The following LANCL1 variants were observed in gnomAD, a reference collection of about 807,000 sequenced individuals.
The protein encoded by LANCL1 is LanC like glutathione S-transferase 1, also known as glutathione S-transferase LANCL1.
Under a neutral mutation model 50.6 loss-of-function variants are expected in LANCL1, and 50 were observed. That is an observed-to-expected ratio of 0.99 (90% confidence interval 0.79 to 1.25). The LOEUF (loss-of-function observed/expected upper bound fraction) is 1.25. Among genes scored for constraint, LANCL1 ranks in the 50% most tolerant of loss-of-function variants. The pLI, the probability that LANCL1 is intolerant of heterozygous loss-of-function variation, is 0.00. For missense variants in LANCL1, 532 were observed against 480.7 expected, an observed-to-expected ratio of 1.11 and a Z score of -1.00; for synonymous variants, 188 against 178.6, an observed-to-expected ratio of 1.05 and a Z score of -0.42.
At chr2:210,442,283 C>T (rs913612220) in intron 4 of LANCL1, among the ~76,000 whole-genome samples, 8 of 152,152 alleles carry the variant, frequency 5.3e-5, no homozygotes, top group Admixed American at 2.6e-4. Context: ...TAGTTCTCCT[C>T]AGAAATCACC....
At chr2:210,469,938 C>G (rs1456886529) in intron 3 of LANCL1, among the ~76,000 whole-genome samples, 3 of 150,278 alleles carry the variant, frequency 2.0e-5, no homozygotes, top group African/African-American at 7.4e-5. Context: ...TTAAGTCATT[C>G]TTTTGTAATC....
chr2:210,435,469 A>G lies in LANCL1; in HGVS notation c.1051-10T>C. ...AGCACCATTCAGCAAACTGAAAATG[A>G]GACCAAGTTAAATTAGTATAGTGAT... On this transcript the variant is annotated splice_polypyrimidine_tract_variant and intron_variant, in intron 8 of 9. Coordinates refer to ENST00000450366, the MANE Select transcript of LANCL1 (RefSeq NM_006055.3). 1.2e-6 allele frequency: 2 copies of G among 1,609,220 alleles called. No homozygotes were observed. The highest frequency in any genetic ancestry group is 1.7e-6 in the Non-Finnish European group (2 of 1,175,658).
At chr2:210,445,958 A>C (rs1693311365) in intron 4 of LANCL1, among the ~76,000 whole-genome samples, 1 of 152,234 alleles carries the variant, frequency 6.6e-6, no homozygotes, top group African/African-American at 2.4e-5. Context: ...CAGCAGCCCC[A>C]GTCAGGGAAT....
intron 9 of LANCL1, 58 bp from the exon 10 acceptor site, chr2:210,434,621 G>A: frequency 7.3e-7 from 1 of 1,372,500 alleles, no homozygotes; most frequent in South Asian, 1.2e-5. Context: ...TTCATAGGAT[G>A]GTTCTTTTTC....
At position 210,435,586 on chromosome 2, in the gene LANCL1, TA is replaced by T. The variant is rs35250763; in HGVS notation, c.1051-128del. The T allele has an allele frequency of 6.7e-3, 4,793 of 719,908 alleles. 158 individuals are homozygous for T. The African/African-American group carries it at 0.076, about 11-fold the overall frequency. The allele number at this position is 719,908 out of a possible 1,614,324, so 44.6% of individuals were successfully genotyped here. ...TACCTTCACATCAGAGAAAGGAGAT[TA>T]ATGCAGAGAAAAGGATGGTTTGAAA... On this transcript the variant is annotated intron_variant, in intron 8 of 9. Coordinates refer to ENST00000450366, the MANE Select transcript of LANCL1 (RefSeq NM_006055.3).
rs544106523 is a variant in LANCL1, at chr2:210,433,772, T to C, written c.*715A>G. On this transcript the variant is annotated 3_prime_UTR_variant, in exon 10 of 10. Transcript: ENST00000450366. ...CTGTTATTGTTAGCTTATCTTAAACTAACCTTCAACTCAGAATTTTCACAA... is the reference window on the plus strand; with the variant it reads ...CTGTTATTGTTAGCTTATCTTAAACCAACCTTCAACTCAGAATTTTCACAA... The C allele has an allele frequency of 1.3e-5, 2 of 152,338 alleles. No individual in the cohort carries two copies. Among genetic ancestry groups the C allele is most frequent in the African/African-American group, 4.8e-5 (2 of 41,596 alleles). 9.4% of individuals were successfully genotyped at this position (152,338 alleles called of 1,614,324 possible). A position where few individuals can be genotyped will look rare whatever the true frequency, so the allele number is the denominator to read the frequency against.
chr2:210,442,093 G>A lies in LANCL1; in HGVS notation c.408-650C>T, dbSNP rs147614769. 8.6e-5 allele frequency among the ~76,000 whole-genome samples: 13 copies of A among 152,024 alleles called. No individual in the cohort carries two copies. The East Asian group carries it at 9.7e-4, about 11-fold the overall frequency. ...CTAATTTTGTATTTTTAGTAGAGAC[G>A]GGGTTTCTCCATGTTGGTCACGCTG... On this transcript the variant is annotated intron_variant, in intron 4 of 9. Coordinates refer to ENST00000450366, the MANE Select transcript of LANCL1 (RefSeq NM_006055.3).
intron 6 of LANCL1, among the ~76,000 whole-genome samples, chr2:210,439,297 CAAG>C (rs1467209727): frequency 2.0e-5 from 3 of 152,172 alleles, no homozygotes; most frequent in Non-Finnish European, 4.4e-5. Flanking sequence ...ACAGCTAACA[CAAG>C]GAGGCAGAGT....
intron 3 of LANCL1, among the ~76,000 whole-genome samples, chr2:210,457,810 T>C (rs1193991155): frequency 6.6e-6 from 1 of 152,192 alleles, no homozygotes; most frequent in Admixed American, 6.5e-5. Context: ...TATTCTACTC[T>C]AGAAAATGAG....
At chr2:210,440,823 A>G in intron 5 of LANCL1, 79 bp from the exon 6 acceptor site, 1 of 1,337,398 alleles carries the variant, frequency 7.5e-7, no homozygotes, top group East Asian at 2.5e-5. Flanking sequence ...TTTTTTGCTA[A>G]GAGGTACTGG....
chr2:210,470,127 G>A (rs531632148), intron 3 of LANCL1, among the ~76,000 whole-genome samples: 9 of 152,232 alleles, frequency 5.9e-5, no homozygotes, highest in East Asian at 1.9e-4. Context: ...TTCAAACCAC[G>A]ATAATTTTAA....
upstream of LANCL1, chr2:210,476,800 T>G: frequency 2.0e-6 from 2 of 1,009,038 alleles, no homozygotes; most frequent in Non-Finnish European, 1.2e-6. Context: ...GCCTTCGCCG[T>G]TCCCGAGACC....
At chr2:210,445,162 AC>A (rs1460201976) in intron 4 of LANCL1, among the ~76,000 whole-genome samples, 5 of 126,578 alleles carry the variant, frequency 4.0e-5, no homozygotes, top group Admixed American at 1.7e-4. Context: ...AAAAAAAATT[AC>A]TGTAATTTTT....
intron 3 of LANCL1, among the ~76,000 whole-genome samples, chr2:210,462,703 C>G (rs1693901830): frequency 6.6e-6 from 1 of 152,082 alleles, no homozygotes; most frequent in African/African-American, 2.4e-5. Context: ...GAGATTTTTT[C>G]ATTTTTCTAG....
intron 3 of LANCL1, among the ~76,000 whole-genome samples, chr2:210,462,219 C>A (rs748305481): frequency 6.6e-6 from 1 of 152,166 alleles, no homozygotes; most frequent in Non-Finnish European, 1.5e-5. Context: ...TGCTATTTTT[C>A]TGTACTGTCT....
rs1452934147 is a variant in LANCL1, at chr2:210,455,332, A to C, written c.200-18T>G. On this transcript the variant is annotated intron_variant, in intron 3 of 9. Coordinates refer to ENST00000450366, the MANE Select transcript of LANCL1 (RefSeq NM_006055.3). ...AGCAATACCTGAAAAAAAAAAAAGG[A>C]AACAATGTAAAGATGAGGAAAGGCA... The C allele has an allele frequency of 7.5e-7, 1 of 1,339,052 alleles. No individual in the cohort carries two copies. Among genetic ancestry groups the C allele is most frequent in the Non-Finnish European group, 1.0e-6 (1 of 954,512 alleles). 82.9% of individuals were successfully genotyped at this position (1,339,052 alleles called of 1,614,324 possible). A position where few individuals can be genotyped will look rare whatever the true frequency, so the allele number is the denominator to read the frequency against.
chr2:210,440,612 A>T lies in LANCL1; in HGVS notation c.676T>A (p.Tyr226Asn), dbSNP rs1002116199. 6.2e-7 allele frequency: 1 copy of T among 1,612,732 alleles called. No homozygotes were observed. Among genetic ancestry groups the T allele is most frequent in the African/African-American group, 1.3e-5 (1 of 74,858 alleles). The change falls in exon 6 of 10, where the codon TAC (tyrosine) becomes AAC (asparagine). Residue 226 changes from tyrosine (Y) to asparagine (N), a missense_variant. Coordinates refer to ENST00000450366, the MANE Select transcript of LANCL1 (RefSeq NM_006055.3). ...GAAHGLAGIY[Y>N]YLMQPSLQVS... The stretch of plus-strand genomic sequence containing the variant: ...TCACTCCTTACCTGCATCAGGTAGT[A>T]ATAAATTCCAGCCAGGCCATGAGCA...
chr2:210,452,531 T>C (rs976770896), intron 4 of LANCL1, among the ~76,000 whole-genome samples: 1 of 152,132 alleles, frequency 6.6e-6, no homozygotes, highest in African/African-American at 2.4e-5. Flanking sequence ...AATTTGAACA[T>C]GAACATACAC....
At chr2:210,450,167 CAG>C (rs1215654469) in intron 4 of LANCL1, among the ~76,000 whole-genome samples, 1 of 152,158 alleles carries the variant, frequency 6.6e-6, no homozygotes, top group African/African-American at 2.4e-5. Flanking sequence ...TAGAACAGAA[CAG>C]AGGCCTCAGA....
Sources: allele counts gnomAD v4.1 joint callset (sites outside exome capture counted in the v4.1 genomes callset), GRCh38; gene constraint gnomAD v4.1.1; transcripts MANE v1.5; gene names NCBI Gene and HGNC (gene_info 2026-07-23, HGNC 2026-07-21).